The following PTPRT variants were observed in gnomAD, a reference collection of about 807,000 sequenced individuals.
PTPRT encodes protein tyrosine phosphatase receptor type T.
Under a neutral mutation model 176.8 loss-of-function variants are expected in PTPRT, and 56 were observed. The observed-to-expected ratio is 0.32, with a 90% CI of 0.26 to 0.40. The LOEUF is 0.40. PTPRT is among the 10% of genes least tolerant of loss of function. The probability of loss-of-function intolerance (pLI) is 1.00; values close to 1 mark genes in which losing one functional copy is unlikely to be tolerated. For missense variants in PTPRT, 1,540 were observed against 1,908.2 expected (o/e 0.81, Z 3.60); for synonymous variants, 783 against 739.0 (o/e 1.06, Z -0.96).
intron 2 of PTPRT, among the ~76,000 whole-genome samples, chr20:42,814,707 T>A (rs1204265851): frequency 6.6e-6 from 1 of 152,228 alleles, no homozygotes; most frequent in African/African-American, 2.4e-5. Context: ...TCTGTGGTTA[T>A]AATTGATGGC....
intron 7 of PTPRT, among the ~76,000 whole-genome samples, chr20:42,534,765 G>T (rs1026636218): frequency 1.3e-5 from 2 of 152,134 alleles, no homozygotes; most frequent in Non-Finnish European, 2.9e-5. Context: ...TCTGCAGTCT[G>T]GATGCCTATT....
In PTPRT at chr20:42,726,590, T is replaced by TTG. The variant is rs60021597; in HGVS notation, c.859+29870_859+29871dup. Among the ~76,000 whole-genome samples the TTG allele has an allele frequency of 6.1e-3, 927 of 152,346 alleles. 14 individuals carry two copies. The highest frequency in any genetic ancestry group is 0.022 in the African/African-American group (904 of 41,588). ...GGGCTGGTCCAGCCTACTGTCAGCTTTGTGACCCTGAGTGAGACACATAAC... is the reference window on the plus strand; with the variant it reads ...GGGCTGGTCCAGCCTACTGTCAGCTTTGTGTGACCCTGAGTGAGACACATAAC... On this transcript the variant is annotated intron_variant, in intron 6 of 30. Transcript: ENST00000373187.
chr20:42,653,407 G>A (rs1390936793), intron 7 of PTPRT, among the ~76,000 whole-genome samples: 1 of 152,190 alleles, frequency 6.6e-6, no homozygotes, highest in Non-Finnish European at 1.5e-5. Context: ...CTTCAGTCTT[G>A]TATGGCTTAC....
chr20:42,744,671 A>C (rs2076665585), intron 6 of PTPRT, among the ~76,000 whole-genome samples: 1 of 152,222 alleles, frequency 6.6e-6, no homozygotes. Context: ...TATTAATAAC[A>C]GGCCTGCTTA....
Position 42,137,202 on chromosome 20 carries a change from C to T in PTPRT, c.2770+4713G>A, listed in dbSNP as rs1030538841. Among the ~76,000 whole-genome samples the T allele has an allele frequency of 3.9e-5, 6 of 152,298 alleles. No homozygotes were observed. In the South Asian group the frequency reaches 1.0e-3, roughly 26 times the overall value. ...GCATCTGTAGGACCCAGGCAATGGC[C>T]ACCCTCAGAGACAGTGAAGAAGAAT... On this transcript the variant is annotated intron_variant, in intron 18 of 30. Coordinates refer to ENST00000373187, the MANE Select transcript of PTPRT (RefSeq NM_007050.6).
At chr20:42,681,361 G>C (rs2075601123) in intron 6 of PTPRT, among the ~76,000 whole-genome samples, 1 of 152,186 alleles carries the variant, frequency 6.6e-6, no homozygotes. Context: ...TGATAACAAA[G>C]TGTAGTAAAG....
intron 1 of PTPRT, among the ~76,000 whole-genome samples, chr20:43,125,422 A>G (rs1015203580): frequency 6.6e-6 from 1 of 152,120 alleles, no homozygotes; most frequent in East Asian, 1.9e-4. Context: ...TGACTGCACA[A>G]TAGAAAAATC....
chr20:42,827,966 C>T (rs1392474299), intron 2 of PTPRT, among the ~76,000 whole-genome samples: 1 of 152,132 alleles, frequency 6.6e-6, no homozygotes. Context: ...TGGACTAATA[C>T]AGTAATTTGA....
chr20:42,641,578 A>T (rs2074751939), intron 7 of PTPRT, among the ~76,000 whole-genome samples: 1 of 152,172 alleles, frequency 6.6e-6, no homozygotes, highest in Non-Finnish European at 1.5e-5. Flanking sequence ...TAAGTCTGTG[A>T]TCCACACAAA....
At chr20:42,300,572 G>A (rs76279553) in intron 12 of PTPRT, among the ~76,000 whole-genome samples, 8,530 of 151,876 alleles carry the variant, frequency 0.056, 319 homozygotes, top group Middle Eastern at 0.11. Context: ...AGTAAATGAT[G>A]ATAGTACTGA....
intron 1 of PTPRT, among the ~76,000 whole-genome samples, chr20:43,133,665 G>A (rs1243506532): frequency 1.3e-5 from 2 of 151,698 alleles, no homozygotes; most frequent in Admixed American, 6.6e-5. Flanking sequence ...GGAGAATGGC[G>A]TGAACCTGGG....
chr20:42,842,037 T>TA, intron 2 of PTPRT, among the ~76,000 whole-genome samples: 1 of 152,144 alleles, frequency 6.6e-6, no homozygotes, highest in East Asian at 1.9e-4. Flanking sequence ...CAGTAATTTT[T>TA]AAAAAAAATT....
Position 42,504,335 on chromosome 20 carries a change from T to TA in PTPRT, c.1154-31774dup, listed in dbSNP as rs546722259. ...AATGAATGAATGAATAAATGAATGT[T>TA]AAAAAAAAACCATCTCACTGACAGA... On this transcript the variant is annotated intron_variant, in intron 7 of 30. Coordinates refer to ENST00000373187, the MANE Select transcript of PTPRT (RefSeq NM_007050.6). Among the ~76,000 whole-genome samples the TA allele has an allele frequency of 3.0e-3, 455 of 151,210 alleles. 10 individuals are homozygous for TA. Among genetic ancestry groups the TA allele is most frequent in the Non-Finnish European group, 1.1e-3 (76 of 67,694 alleles).
intron 1 of PTPRT, among the ~76,000 whole-genome samples, chr20:42,992,133 C>T (rs1983944213): frequency 6.6e-6 from 1 of 151,878 alleles, no homozygotes; most frequent in African/African-American, 2.4e-5. Context: ...AAAAGACTGC[C>T]CAATTTGGTC....
At chr20:42,491,285 TA>T (rs750877792) in intron 7 of PTPRT, among the ~76,000 whole-genome samples, 10 of 152,106 alleles carry the variant, frequency 6.6e-5, no homozygotes, top group Non-Finnish European at 1.5e-4. Flanking sequence ...AATAAGTGAG[TA>T]GCATATATAG....
At chr20:42,927,649 G>A (rs910373058) in intron 1 of PTPRT, among the ~76,000 whole-genome samples, 1 of 152,120 alleles carries the variant, frequency 6.6e-6, no homozygotes, top group Non-Finnish European at 1.5e-5. Context: ...TCATGGTGGT[G>A]TGGTAGACCC....
chr20:42,250,219 C>T (rs978875119), intron 13 of PTPRT, among the ~76,000 whole-genome samples: 3 of 152,200 alleles, frequency 2.0e-5, no homozygotes, highest in African/African-American at 7.2e-5. Context: ...CAAGATTACG[C>T]CTCGTTTATC....
chr20:42,124,296 T>C (rs901892660), intron 19 of PTPRT, among the ~76,000 whole-genome samples: 5 of 152,250 alleles, frequency 3.3e-5, no homozygotes, highest in Admixed American at 6.5e-5. Flanking sequence ...GCACTGGGCC[T>C]GCCTCCATCT....
At chr20:42,558,878 G>A (rs531479536) in intron 7 of PTPRT, among the ~76,000 whole-genome samples, 35 of 152,260 alleles carry the variant, frequency 2.3e-4, no homozygotes, top group African/African-American at 7.9e-4. Flanking sequence ...CCAGCTTGGG[G>A]ATCAACATCC....
Sources: allele counts gnomAD v4.1 joint callset (sites outside exome capture counted in the v4.1 genomes callset), GRCh38; gene constraint gnomAD v4.1.1; transcripts MANE v1.5; gene names NCBI Gene and HGNC (gene_info 2026-07-23, HGNC 2026-07-21).